SHROOM3: variants seen among roughly 807,000 people sequenced by gnomAD.
The protein encoded by SHROOM3 is protein Shroom3.
A neutral mutation model predicts 138.6 loss-of-function variants in SHROOM3; 47 were observed. The observed-to-expected ratio is 0.34, with a 90% confidence interval of 0.27 to 0.43. The LOEUF (loss-of-function observed/expected upper bound fraction) is 0.43. SHROOM3 is among the 20% of genes least tolerant of loss of function. The probability of loss-of-function intolerance (pLI) is 1.00; values close to 1 mark genes in which losing one functional copy is unlikely to be tolerated. For missense variants in SHROOM3, 2,491 were observed against 2,596.5 expected (o/e 0.96, Z 0.88); for synonymous variants, 1,062 against 1,063.3 (o/e 1.00, Z 0.02).
At chr4:76,620,091 A>AAAAAAAAAAAAAAAAAAAAAAAG (rs749696462) in intron 2 of SHROOM3, among the ~76,000 whole-genome samples, 1 of 135,356 alleles carries the variant, frequency 7.4e-6, no homozygotes, top group East Asian at 2.3e-4. Context: ...AAAAAAAAAA[A>AAAAAAAAAAAAAAAAAAAAAAAG]AAGAAGAAAA....
intron 1 of SHROOM3, among the ~76,000 whole-genome samples, chr4:76,536,114 G>T (rs1448776344): frequency 6.6e-6 from 1 of 152,180 alleles, no homozygotes; most frequent in Non-Finnish European, 1.5e-5. Context: ...TGGAATTTGG[G>T]CAAATGGCAC....
chr4:76,582,218 G>A (rs1734065760), intron 2 of SHROOM3, among the ~76,000 whole-genome samples: 1 of 152,092 alleles, frequency 6.6e-6, no homozygotes, highest in South Asian at 2.1e-4. Context: ...GAGTTCAAGA[G>A]GCTGTTTCTA....
intron 2 of SHROOM3, among the ~76,000 whole-genome samples, chr4:76,624,015 C>T (rs141397093): frequency 1.3e-5 from 2 of 152,238 alleles, no homozygotes; most frequent in African/African-American, 4.8e-5. Flanking sequence ...CATTCTTGTA[C>T]ATGGATTTTA....
At chr4:76,778,316 G>T (rs932091688) in intron 10 of SHROOM3, among the ~76,000 whole-genome samples, 4 of 151,780 alleles carry the variant, frequency 2.6e-5, no homozygotes, top group Non-Finnish European at 4.4e-5. Context: ...CTGCCTCCTG[G>T]GTTCAAGCAA....
Position 76,740,403 on chromosome 4 carries a change from G to C in SHROOM3, c.2230G>C (p.Glu744Gln). The C allele has an allele frequency of 6.2e-7, 1 of 1,613,090 alleles. No individual in the cohort carries two copies. The highest frequency in any genetic ancestry group is 1.3e-5 in the African/African-American group (1 of 75,062). ...CAACAGCACAGACCCAAGTCCCGAA[G>C]AGCCGCCTGCCCCCTCGCACCCGCA... ...SFNSTDPSPEEPPAPSHPHTS... is the reference protein window; with the variant it reads ...SFNSTDPSPEQPPAPSHPHTS... Residue 744 changes from glutamate to glutamine, a missense_variant, in exon 5 of 11, where the codon GAG (glutamate) becomes CAG (glutamine). Glu to Gln is a conservative substitution (Grantham distance 29). Transcript: ENST00000296043. This position sits in a 1 kb window ranked among gnomAD's most constrained non-coding sequence, Gnocchi z 4.0.
At chr4:76,695,394 A>G (rs952711183) in intron 2 of SHROOM3, among the ~76,000 whole-genome samples, 1 of 152,170 alleles carries the variant, frequency 6.6e-6, no homozygotes, top group African/African-American at 2.4e-5. Context: ...CATAGATGCA[A>G]TATTTTCTTG....
intron 1 of SHROOM3, among the ~76,000 whole-genome samples, chr4:76,517,702 G>T (rs556911273): frequency 2.0e-5 from 3 of 152,030 alleles, no homozygotes; most frequent in Admixed American, 2.0e-4. Context: ...AACAATATGG[G>T]TTCTGTTCTG....
At chr4:76,576,653 G>T (rs1180778320) in intron 2 of SHROOM3, among the ~76,000 whole-genome samples, 2 of 152,078 alleles carry the variant, frequency 1.3e-5, no homozygotes, top group African/African-American at 4.8e-5. Flanking sequence ...TCGTGTAGTT[G>T]GGTAGTTTGT....
chr4:76,759,593 C>T lies in SHROOM3; in HGVS notation c.5247C>T (p.Tyr1749=), dbSNP rs756186304. The T allele has an allele frequency of 1.9e-6, 3 of 1,614,202 alleles. No homozygotes were observed. The highest frequency in any genetic ancestry group is 1.3e-5 in the African/African-American group (1 of 75,056). The change falls in exon 9 of 11, where the codon TAC becomes TAT. Residue 1749 remains tyrosine (Y), a synonymous_variant. Coordinates refer to ENST00000296043, the MANE Select transcript of SHROOM3 (RefSeq NM_020859.4). ...AVSMLVNCPA[Y]YSVSAPKAEL... Reference sequence around the variant, plus strand: ...GCATGTTGGTTAACTGCCCTGCCTACTACAGTGTGTCTGCTCCCAAGGCTG... The same window carrying T: ...GCATGTTGGTTAACTGCCCTGCCTATTACAGTGTGTCTGCTCCCAAGGCTG...
chr4:76,655,696 A>G (rs959779612), intron 2 of SHROOM3, among the ~76,000 whole-genome samples: 7 of 152,218 alleles, frequency 4.6e-5, no homozygotes, highest in African/African-American at 1.7e-4. Flanking sequence ...GAAAGTGTCC[A>G]AAAAGGCCAG....
chr4:76,633,656 C>CAA (rs869138315), intron 2 of SHROOM3, among the ~76,000 whole-genome samples: 67 of 88,584 alleles, frequency 7.6e-4, no homozygotes, highest in African/African-American at 8.6e-4. Flanking sequence ...GACTCCGTCT[C>CAA]AAAAAAAAAA....
chr4:76,525,528 A>C (rs6848817), intron 1 of SHROOM3, among the ~76,000 whole-genome samples: 89,097 of 152,004 alleles, frequency 0.59, 26,478 homozygotes, highest in African/African-American at 0.67. Context: ...ATGTAATGAC[A>C]TCTCAATGTG....
At chr4:76,454,134 C>T (rs987645765) in intron 1 of SHROOM3, among the ~76,000 whole-genome samples, 27 of 152,178 alleles carry the variant, frequency 1.8e-4, no homozygotes, top group African/African-American at 6.0e-4. Context: ...ACCTCCGCCT[C>T]CTGGGTTCAA....
rs766965211 is a variant in SHROOM3 at position 76,555,590 on chromosome 4, C to T, written c.169-19C>T. 2.5e-6 allele frequency: 4 copies of T among 1,612,626 alleles called. No individual in the cohort carries two copies. The highest frequency in any genetic ancestry group is 2.7e-5 in the African/African-American group (2 of 75,002). On this transcript the variant is annotated intron_variant, in intron 1 of 10. Transcript: ENST00000296043. ...GGGGAAAGCTCACTCGTGGCTGTCG[C>T]ATCTCTCCCTCCAAGCAGGTCGAAG...
intron 1 of SHROOM3, among the ~76,000 whole-genome samples, chr4:76,527,370 G>A (rs1732713470): frequency 6.6e-6 from 1 of 152,152 alleles, no homozygotes; most frequent in Admixed American, 6.5e-5. Flanking sequence ...ATTGCCTGAG[G>A]TCAGGAGTTT....
chr4:76,636,747 T>C (rs1178501244), intron 2 of SHROOM3, among the ~76,000 whole-genome samples: 5 of 152,184 alleles, frequency 3.3e-5, no homozygotes, highest in Non-Finnish European at 7.3e-5. Context: ...TGGGTTTGTG[T>C]GTGAGTGCGC....
chr4:76,529,734 TACC>T (rs149294207), intron 1 of SHROOM3, among the ~76,000 whole-genome samples: 73,653 of 151,664 alleles, frequency 0.49, 18,260 homozygotes, highest in African/African-American at 0.57. Context: ...TTCCAAGAGC[TACC>T]CCGACTTATT....
intron 2 of SHROOM3, among the ~76,000 whole-genome samples, chr4:76,579,250 C>T (rs533103269): frequency 3.3e-5 from 5 of 151,780 alleles, no homozygotes; most frequent in African/African-American, 9.7e-5. Context: ...GGGCAGATCA[C>T]GAGGTCAAGA....
intron 1 of SHROOM3, among the ~76,000 whole-genome samples, chr4:76,457,495 A>T (rs1731051747): frequency 1.4e-5 from 2 of 142,520 alleles, no homozygotes; most frequent in Admixed American, 7.0e-5. Context: ...TTTCTTTATA[A>T]TTTTTTTTTT....
Sources: gnomAD v4.1 joint callset for allele counts (sites outside exome capture counted in the v4.1 genomes callset) on GRCh38, gnomAD v4.1.1 for gene constraint, Gnocchi (gnomAD v3.1) non-coding constraint, MANE v1.5 for transcripts, NCBI Gene and HGNC (gene_info 2026-07-23, HGNC 2026-07-21) for gene names.